The following WDR45B variants were observed in gnomAD, a reference collection of about 807,000 sequenced individuals.
The protein encoded by WDR45B is WD repeat domain 45B, also known as WD repeat domain phosphoinositide-interacting protein 3.
In WDR45B, 20 loss-of-function variants were observed where a neutral mutation model predicts 44.6. The observed-to-expected ratio is 0.45, with a 90% CI of 0.32 to 0.65. The LOEUF is 0.65. WDR45B is among the 30% of genes least tolerant of loss of function. The probability of loss-of-function intolerance (pLI) is 0.05; values close to 1 mark genes in which losing one functional copy is unlikely to be tolerated. For missense variants in WDR45B, 323 were observed against 430.2 expected (o/e 0.75, Z 2.20); for synonymous variants, 169 against 164.9 (o/e 1.02, Z -0.19).
At chr17:82,630,556 C>T (rs1160119255) in intron 3 of WDR45B, among the ~76,000 whole-genome samples, 2 of 152,252 alleles carry the variant, frequency 1.3e-5, no homozygotes, top group East Asian at 1.9e-4. Flanking sequence ...TTTTGTTCCA[C>T]GTGGCTATGA....
At chr17:82,632,887 C>A (rs1003721700) in intron 2 of WDR45B, among the ~76,000 whole-genome samples, 1 of 151,828 alleles carries the variant, frequency 6.6e-6, no homozygotes, top group African/African-American at 2.4e-5. Flanking sequence ...TTAAAAAATT[C>A]GCCGGCCGCA....
chr17:82,635,653 C>T (rs1157426058), intron 2 of WDR45B, among the ~76,000 whole-genome samples: 1 of 151,782 alleles, frequency 6.6e-6, no homozygotes, highest in Non-Finnish European at 1.5e-5. Flanking sequence ...GAACTCCTGA[C>T]CTCAGGAGAT....
Position 82,616,654 on chromosome 17 carries a change from A to T in WDR45B, c.807-9T>A. 1 of 1,614,160 alleles carries T rather than the reference A, an allele frequency of 6.2e-7. No individual in the cohort carries two copies. Among genetic ancestry groups the T allele is most frequent in the Middle Eastern group, 1.6e-4 (1 of 6,062 alleles). On this transcript the variant is annotated splice_polypyrimidine_tract_variant and intron_variant, in intron 8 of 9. Coordinates refer to ENST00000392325, the MANE Select transcript of WDR45B (RefSeq NM_019613.4). ...AACTGGCTGAGGCCAAACTGTGAAG[A>T]CAAGAAAAGAAAGGGTGGTTCAAAG...
chr17:82,617,260 C>T (rs935852486), intron 8 of WDR45B, 36 bp downstream of exon 8: 5 of 1,598,556 alleles, frequency 3.1e-6, no homozygotes, highest in Non-Finnish European at 3.4e-6. Flanking sequence ...TCCTCTCATC[C>T]CCCGGCTTTT....
chr17:82,626,260 G>A (rs1279766945), intron 4 of WDR45B, among the ~76,000 whole-genome samples: 3 of 151,434 alleles, frequency 2.0e-5, no homozygotes, highest in East Asian at 2.0e-4. Flanking sequence ...AAAGTTGGCC[G>A]GGCGCAGTGG....
intron 6 of WDR45B, among the ~76,000 whole-genome samples, chr17:82,620,525 C>T (rs1354745509): frequency 6.6e-6 from 1 of 152,180 alleles, no homozygotes; most frequent in South Asian, 2.1e-4. Context: ...CGCCCCAAAC[C>T]GCGTGTCCCC....
At chr17:82,619,858 C>T (rs1279239177) in intron 6 of WDR45B, among the ~76,000 whole-genome samples, 3 of 152,238 alleles carry the variant, frequency 2.0e-5, no homozygotes, top group South Asian at 2.1e-4. Flanking sequence ...GGGTGACTGC[C>T]GACAGCACGG....
intron 5 of WDR45B, among the ~76,000 whole-genome samples, chr17:82,624,870 G>A (rs899850214): frequency 1.1e-4 from 16 of 151,508 alleles, no homozygotes; most frequent in Non-Finnish European, 1.5e-4. Context: ...CGCCCGCCTC[G>A]GCCTCCCAAA....
chr17:82,640,160 GA>G (rs2045895092), intron 2 of WDR45B, among the ~76,000 whole-genome samples: 1 of 152,126 alleles, frequency 6.6e-6, no homozygotes. Flanking sequence ...GGCGTATCTG[GA>G]AACAGCAGCC....
chr17:82,642,751 G>T (rs1305931857), intron 2 of WDR45B, among the ~76,000 whole-genome samples: 2 of 152,210 alleles, frequency 1.3e-5, no homozygotes, highest in Non-Finnish European at 2.9e-5. Flanking sequence ...TTCAGTCACA[G>T]AAGTCTTCTG....
chr17:82,631,329 G>A (rs1325333647), intron 2 of WDR45B, among the ~76,000 whole-genome samples: 1 of 134,906 alleles, frequency 7.4e-6, no homozygotes, highest in East Asian at 2.2e-4. Flanking sequence ...TGTCACCCAG[G>A]CTAGAGTGCA....
chr17:82,618,285 G>T (rs2045566456), intron 7 of WDR45B, among the ~76,000 whole-genome samples: 1 of 152,200 alleles, frequency 6.6e-6, no homozygotes, highest in East Asian at 1.9e-4. Flanking sequence ...CTAGCCAAGG[G>T]GGAGGCACCA....
intron 2 of WDR45B, among the ~76,000 whole-genome samples, chr17:82,638,648 A>G (rs1335816068): frequency 6.6e-6 from 1 of 151,964 alleles, no homozygotes; most frequent in Non-Finnish European, 1.5e-5. Flanking sequence ...CTAGCACTTG[A>G]GGCTAATAAC....
At chr17:82,627,604 C>T (rs2045715468) in intron 3 of WDR45B, among the ~76,000 whole-genome samples, 1 of 152,270 alleles carries the variant, frequency 6.6e-6, no homozygotes, top group South Asian at 2.1e-4. Context: ...TCTCAGGTGA[C>T]CCACTCACTG....
chr17:82,627,618 TCA>T (rs1261138055), intron 3 of WDR45B, among the ~76,000 whole-genome samples: 1 of 152,200 alleles, frequency 6.6e-6, no homozygotes, highest in Non-Finnish European at 1.5e-5. Flanking sequence ...CTCACTGGCC[TCA>T]CACACAGGCA....
At position 82,648,371 on chromosome 17, in the gene WDR45B, G is replaced by A. The variant is rs757465492; in HGVS notation, c.-31C>T. 4 of 1,600,506 alleles carry A rather than the reference G, an allele frequency of 2.5e-6. No homozygotes were observed. The highest frequency in any genetic ancestry group is 1.7e-5 in the Admixed American group (1 of 59,432). ...CGCCGTGCTGGGTCGCCGCTCCTCA[G>A]CGCTGCATGCCTCTCGCTGGGGACG... On this transcript the variant is annotated 5_prime_UTR_variant, in exon 1 of 10. Transcript: ENST00000392325.
rs776090082 is a variant in WDR45B, at chr17:82,616,665, A to G, written c.807-20T>C. 6.2e-7 allele frequency: 1 copy of G among 1,614,068 alleles called. No individual in the cohort carries two copies. Among genetic ancestry groups the G allele is most frequent in the African/African-American group, 1.3e-5 (1 of 75,046 alleles). On this transcript the variant is annotated intron_variant, in intron 8 of 9. Coordinates refer to ENST00000392325, the MANE Select transcript of WDR45B (RefSeq NM_019613.4). ...GCCAAACTGTGAAGACAAGAAAAGA[A>G]AGGGTGGTTCAAAGTTTACAGGAAA...
chr17:82,646,163 GA>G (rs374420560), intron 1 of WDR45B, among the ~76,000 whole-genome samples: 1 of 147,654 alleles, frequency 6.8e-6, no homozygotes. Flanking sequence ...CAACAATACG[GA>G]AAAAAAAAAT....
chr17:82,619,209 T>C (rs993354074), intron 6 of WDR45B, 81 bp from the exon 7 acceptor site: 2 of 1,296,998 alleles, frequency 1.5e-6, no homozygotes, highest in African/African-American at 2.9e-5. Context: ...CATTCACAAA[T>C]CCATTAGTCC....
Sources: allele counts gnomAD v4.1 joint callset (sites outside exome capture counted in the v4.1 genomes callset), GRCh38; gene constraint gnomAD v4.1.1; transcripts MANE v1.5; gene names NCBI Gene and HGNC (gene_info 2026-07-23, HGNC 2026-07-21).